HERC3: variants seen among roughly 807,000 people sequenced by gnomAD.
HERC3 encodes the protein HECT and RLD domain containing E3 ubiquitin protein ligase 3.
Under a neutral mutation model 129.9 loss-of-function variants are expected in HERC3, and 58 were observed. The ratio of observed to expected loss-of-function variants is 0.45; its 90% CI spans 0.36 to 0.56. HERC3 has a LOEUF of 0.56. Ranked by LOEUF, HERC3 falls within the 20% of genes least tolerant of loss-of-function variation. HERC3 has a pLI of 0.00. For synonymous variants in HERC3, 430 were observed against 451.0 expected (o/e 0.95, Z 0.59); for missense variants, 835 against 1,244.2 (o/e 0.67, Z 4.95).
At chr4:88,693,087 G>A (rs185386126) in intron 23 of HERC3, 10 of 981,804 alleles carry the variant, frequency 1.0e-5, no homozygotes, top group African/African-American at 7.0e-5. Context: ...ACTCATGAAT[G>A]CCCTTAATAG....
chr4:88,532,964 C>T, the HERC3 span, among the ~76,000 whole-genome samples: 1 of 152,206 alleles, frequency 6.6e-6, no homozygotes, highest in South Asian at 2.1e-4. Flanking sequence ...GGAGAATTGA[C>T]TCACACGGTC....
chr4:88,690,536 ACATT>A (rs762850237), intron 23 of HERC3: 113 of 984,898 alleles, frequency 1.1e-4, no homozygotes, highest in Non-Finnish European at 1.3e-4. Flanking sequence ...AGGAAGGGGA[ACATT>A]CAGAGTGTCC....
At chr4:88,561,046 A>G in the HERC3 span, among the ~76,000 whole-genome samples, 1 of 152,140 alleles carries the variant, frequency 6.6e-6, no homozygotes, top group Non-Finnish European at 1.5e-5. Flanking sequence ...TTTGCCTCTC[A>G]CAATTGTTAT....
intron 5 of HERC3, 88 bp from the exon 6 acceptor site, chr4:88,652,781 A>T (rs895463797): frequency 2.9e-6 from 4 of 1,373,348 alleles, no homozygotes; most frequent in Non-Finnish European, 3.9e-6. Context: ...GTTGGGGGGC[A>T]ACTGGCAAAT....
chr4:88,629,555 G>A (rs1726510892), intron 3 of HERC3, among the ~76,000 whole-genome samples: 1 of 151,862 alleles, frequency 6.6e-6, no homozygotes, highest in African/African-American at 2.4e-5. Context: ...GGATATATTT[G>A]TAGAAATACA....
intron 2 of HERC3, among the ~76,000 whole-genome samples, chr4:88,603,623 A>G (rs1039769170): frequency 1.3e-5 from 2 of 152,208 alleles, no homozygotes; most frequent in African/African-American, 4.8e-5. Flanking sequence ...TTTCAAAACC[A>G]GAGAGGTGCA....
At chr4:88,527,369 A>G in the HERC3 span, among the ~76,000 whole-genome samples, 53 of 151,614 alleles carry the variant, frequency 3.5e-4, no homozygotes, top group African/African-American at 1.2e-3. Flanking sequence ...CTCCCACCTC[A>G]GCTTCCTGAG....
chr4:88,700,702 G>T (rs1045540758), intron 23 of HERC3, among the ~76,000 whole-genome samples: 14 of 152,092 alleles, frequency 9.2e-5, no homozygotes, highest in Admixed American at 4.6e-4. Context: ...GAAGCCGAGG[G>T]GGGTGGGGGC....
At chr4:88,584,986 A>G in the HERC3 span, among the ~76,000 whole-genome samples, 8 of 152,362 alleles carry the variant, frequency 5.3e-5, no homozygotes, top group South Asian at 1.7e-3. Flanking sequence ...GATAGCTTAT[A>G]AACAGAAATT....
At chr4:88,578,029 G>C in the HERC3 span, among the ~76,000 whole-genome samples, 52 of 152,278 alleles carry the variant, frequency 3.4e-4, no homozygotes, top group East Asian at 9.2e-3. Context: ...TGTTTGCCAA[G>C]CATTGTCTTT....
chr4:88,647,268 A>G (rs1417994232), intron 3 of HERC3, among the ~76,000 whole-genome samples: 1 of 152,222 alleles, frequency 6.6e-6, no homozygotes, highest in Admixed American at 6.5e-5. Context: ...GAGCGACAGT[A>G]TTCTGTCAGG....
At chr4:88,679,979 A>G in intron 19 of HERC3, 114 bp from the exon 20 acceptor site, 1 of 886,532 alleles carries the variant, frequency 1.1e-6, no homozygotes, top group Middle Eastern at 2.8e-4. Context: ...ATCAGTGTGT[A>G]TTCTTTGTTA....
chr4:88,605,327 C>A (rs1723508226), intron 2 of HERC3, among the ~76,000 whole-genome samples: 1 of 152,022 alleles, frequency 6.6e-6, no homozygotes, highest in Non-Finnish European at 1.5e-5. Flanking sequence ...TACTACTAAC[C>A]AATCTAATAT....
At chr4:88,621,557 A>G (rs1302806560) in intron 3 of HERC3, among the ~76,000 whole-genome samples, 4 of 152,084 alleles carry the variant, frequency 2.6e-5, no homozygotes, top group Non-Finnish European at 5.9e-5. Flanking sequence ...TTTCCTTCCT[A>G]TGTCTGGTAT....
At chr4:88,690,528 G>A (rs1181179336) in intron 23 of HERC3, 4 of 985,232 alleles carry the variant, frequency 4.1e-6, no homozygotes, top group Non-Finnish European at 4.8e-6. Flanking sequence ...GCATCCTGAG[G>A]AAGGGGAACA....
chr4:88,644,670 C>G (rs1022030364), intron 3 of HERC3, among the ~76,000 whole-genome samples: 2 of 152,072 alleles, frequency 1.3e-5, no homozygotes, highest in Non-Finnish European at 2.9e-5. Context: ...TGTTCTGTAT[C>G]TTGATTGTGT....
chr4:88,697,886 C>A, intron 23 of HERC3: 2 of 1,264,532 alleles, frequency 1.6e-6, no homozygotes, highest in Non-Finnish European at 2.2e-6. Flanking sequence ...GGCCGCGGCC[C>A]CGCCTCCTGC....
At chr4:88,623,124 A>C (rs570691301) in intron 3 of HERC3, among the ~76,000 whole-genome samples, 2 of 152,314 alleles carry the variant, frequency 1.3e-5, no homozygotes, top group Admixed American at 1.3e-4. Context: ...TTCTTATGTA[A>C]TGATGAAACT....
At chr4:88,627,501 A>G (rs919692150) in intron 3 of HERC3, among the ~76,000 whole-genome samples, 4 of 152,200 alleles carry the variant, frequency 2.6e-5, no homozygotes, top group African/African-American at 9.6e-5. Flanking sequence ...GGAATTTTAT[A>G]TAAGGAATTT....
Sources: gnomAD v4.1 joint callset for allele counts (sites outside exome capture counted in the v4.1 genomes callset) on GRCh38, gnomAD v4.1.1 for gene constraint, MANE v1.5 for transcripts, NCBI Gene and HGNC (gene_info 2026-07-23, HGNC 2026-07-21) for gene names.